The following IGF1 variants were observed in gnomAD, a reference collection of about 807,000 sequenced individuals.
The protein encoded by IGF1 is insulin like growth factor 1.
A neutral mutation model predicts 13.8 loss-of-function variants in IGF1; 4 were observed. The observed-to-expected ratio is 0.29, with a 90% CI of 0.14 to 0.66. IGF1 has a LOEUF of 0.66. Among genes scored for constraint, IGF1 ranks in the 30% least tolerant of loss-of-function variants. IGF1 has a pLI of 0.78. For synonymous variants in IGF1, 76 were observed against 72.6 expected (o/e 1.05, Z -0.23); for missense variants, 124 against 188.5 (o/e 0.66, Z 2.00).
At chr12:102,471,104 A>T (rs1474489775) in intron 2 of IGF1, among the ~76,000 whole-genome samples, 3 of 152,204 alleles carry the variant, frequency 2.0e-5, no homozygotes, top group Non-Finnish European at 4.4e-5. Context: ...AATCCAGCTT[A>T]AAGCAAAACA....
At chr12:102,443,239 T>C (rs1244731635) in intron 2 of IGF1, among the ~76,000 whole-genome samples, 1 of 152,170 alleles carries the variant, frequency 6.6e-6, no homozygotes, top group African/African-American at 2.4e-5. Flanking sequence ...TGTGTGGCTA[T>C]GTGTTCAAGT....
At chr12:102,417,792 C>T in intron 3 of IGF1, 9 of 1,613,296 alleles carry the variant, frequency 5.6e-6, no homozygotes, top group Admixed American at 1.7e-5. Context: ...TCATCCTTGC[C>T]TCTGTCTGTT....
chr12:102,439,570 T>C (rs1304023409), intron 2 of IGF1, among the ~76,000 whole-genome samples: 1 of 151,954 alleles, frequency 6.6e-6, no homozygotes, highest in Non-Finnish European at 1.5e-5. Context: ...GGCGGGTGTA[T>C]GTAGAGAATT....
At chr12:102,467,193 G>A (rs1269078966) in intron 2 of IGF1, among the ~76,000 whole-genome samples, 3 of 152,042 alleles carry the variant, frequency 2.0e-5, no homozygotes, top group African/African-American at 4.8e-5. Context: ...AATACTCTCC[G>A]GATTGCTTCT....
intron 3 of IGF1, chr12:102,418,087 C>T (rs1875325842): frequency 7.0e-7 from 1 of 1,422,474 alleles, no homozygotes; most frequent in Non-Finnish European, 9.6e-7. Flanking sequence ...GCCCAGGCTC[C>T]ATATGATGCA....
chr12:102,399,428 C>T lies in IGF1; in HGVS notation c.*3079G>A, dbSNP rs2136932088. On this transcript the variant is annotated 3_prime_UTR_variant, in exon 4 of 4. Transcript: ENST00000337514. ...CCTCATTCAAGAATTATAAAGCAATCTAATTCTGAAGCAAAGCTTGTAAAG... is the reference window on the plus strand; with the variant it reads ...CCTCATTCAAGAATTATAAAGCAATTTAATTCTGAAGCAAAGCTTGTAAAG... 1 of 152,226 alleles carries T rather than the reference C, an allele frequency of 6.6e-6. No individual in the cohort carries two copies. Among genetic ancestry groups the T allele is most frequent in the South Asian group, 2.1e-4 (1 of 4,810 alleles). The allele number at this position is 152,226 out of a possible 1,614,324, so 9.4% of individuals were successfully genotyped here.
At chr12:102,423,364 T>A (rs182583123) in intron 2 of IGF1, among the ~76,000 whole-genome samples, 1 of 151,600 alleles carries the variant, frequency 6.6e-6, no homozygotes, top group Non-Finnish European at 1.5e-5. Context: ...GAGGAAGTGT[T>A]CATGCACTTA....
At chr12:102,441,699 T>A (rs1292508880) in intron 2 of IGF1, among the ~76,000 whole-genome samples, 1 of 152,226 alleles carries the variant, frequency 6.6e-6, no homozygotes, top group East Asian at 1.9e-4. Flanking sequence ...CTGGAAAACC[T>A]GAGTGCATCT....
In IGF1 at chr12:102,472,982, A is replaced by G. The variant is rs372048832; in HGVS notation, c.220+2661T>C. ...ACAACCTTAATTCTTGATGGTTCTTAAGACCAAGATCCCAAACAAGTAATT... is the reference window on the plus strand; with the variant it reads ...ACAACCTTAATTCTTGATGGTTCTTGAGACCAAGATCCCAAACAAGTAATT... On this transcript the variant is annotated intron_variant, in intron 2 of 3. Transcript: ENST00000337514. Among the ~76,000 whole-genome samples the G allele has an allele frequency of 2.0e-5, 3 of 152,322 alleles. No individual in the cohort carries two copies. The East Asian group carries it at 5.8e-4, about 29-fold the overall frequency.
intron 2 of IGF1, among the ~76,000 whole-genome samples, chr12:102,438,716 C>T (rs1210260674): frequency 3.9e-5 from 6 of 152,092 alleles, no homozygotes; most frequent in Admixed American, 6.6e-5. Context: ...CATTATAAAC[C>T]GTGAACACCC....
At chr12:102,441,955 C>CT (rs1268306262) in intron 2 of IGF1, among the ~76,000 whole-genome samples, 26 of 140,058 alleles carry the variant, frequency 1.9e-4, no homozygotes, top group Non-Finnish European at 3.0e-4. Context: ...TCTTCTTCTT[C>CT]TTTTTTTTTT....
At chr12:102,453,643 C>T (rs1879143901) in intron 2 of IGF1, among the ~76,000 whole-genome samples, 2 of 152,246 alleles carry the variant, frequency 1.3e-5, no homozygotes, top group South Asian at 4.1e-4. Flanking sequence ...TTGGAAGAGG[C>T]ATTGCTAGGA....
chr12:102,455,602 T>C (rs1565995839), intron 2 of IGF1, among the ~76,000 whole-genome samples: 1 of 152,196 alleles, frequency 6.6e-6, no homozygotes, highest in African/African-American at 2.4e-5. Flanking sequence ...CTACCCTCTC[T>C]TCCAGTCTCT....
Position 102,419,538 on chromosome 12 carries a change from G to C in IGF1, c.373C>G (p.Arg125Gly). The change falls in exon 3 of 4, where the codon CGC becomes GGC. Residue 125 changes from arginine (R) to glycine (G), a missense_variant. Arg to Gly is a moderately radical substitution (Grantham distance 125). Coordinates refer to ENST00000337514, the MANE Select transcript of IGF1 (RefSeq NM_000618.5). ...AKSARSVRAQRHTDMPKTQKE... is the reference protein window; with the variant it reads ...AKSARSVRAQGHTDMPKTQKE... ...TGGGTCTTGGGCATGTCGGTGTGGC[G>C]CTGGGCACGGACAGAGCGAGCTGAC... is the stretch of plus-strand genomic sequence containing the variant. The C allele has an allele frequency of 6.2e-7, 1 of 1,613,576 alleles. No individual in the cohort carries two copies. Among genetic ancestry groups the C allele is most frequent in the Non-Finnish European group, 8.5e-7 (1 of 1,179,950 alleles).
At chr12:102,417,662 A>G in intron 3 of IGF1, 3 of 1,396,892 alleles carry the variant, frequency 2.1e-6, no homozygotes, top group Non-Finnish European at 2.8e-6. Flanking sequence ...TCTTAGCGAG[A>G]TTCTCTAAAA....
chr12:102,448,357 C>T (rs1026382404), intron 2 of IGF1, among the ~76,000 whole-genome samples: 19 of 149,442 alleles, frequency 1.3e-4, no homozygotes, highest in Non-Finnish European at 2.5e-4. Flanking sequence ...TACTATGCAG[C>T]CATAAAAAAT....
intron 2 of IGF1, among the ~76,000 whole-genome samples, chr12:102,465,319 C>A (rs1880222004): frequency 6.6e-6 from 1 of 152,164 alleles, no homozygotes; most frequent in Non-Finnish European, 1.5e-5. Flanking sequence ...CCTTCGTTTC[C>A]AAAGCACTTC....
intron 2 of IGF1, among the ~76,000 whole-genome samples, chr12:102,471,999 G>A (rs1880717103): frequency 1.3e-5 from 2 of 152,116 alleles, no homozygotes; most frequent in African/African-American, 4.8e-5. Flanking sequence ...CATGCAAAAT[G>A]AGGTTGTAAT....
rs373584535 is a variant in IGF1, at chr12:102,464,509, C to T, written c.220+11134G>A. Among the ~76,000 whole-genome samples the T allele has an allele frequency of 5.4e-5, 8 of 149,508 alleles. No individual in the cohort carries two copies. In the East Asian group the frequency reaches 1.6e-3, roughly 29 times the overall value. The stretch of plus-strand genomic sequence containing the variant: ...GGGGGGAAAACCCTTAAAACTTAGT[C>T]TGTGTTCTTCTGAAAAAGCTCAAGA... On this transcript the variant is annotated intron_variant, in intron 2 of 3. Coordinates refer to ENST00000337514, the MANE Select transcript of IGF1 (RefSeq NM_000618.5).
Sources: allele counts gnomAD v4.1 joint callset (sites outside exome capture counted in the v4.1 genomes callset), GRCh38; gene constraint gnomAD v4.1.1; transcripts MANE v1.5; gene names NCBI Gene and HGNC (gene_info 2026-07-23, HGNC 2026-07-21).